Variants in THTPA observed in about 807,000 individuals in gnomAD.
THTPA encodes the protein thiamine-triphosphatase.
Under a neutral mutation model 16.5 loss-of-function variants are expected in THTPA, and 16 were observed. The ratio of observed to expected loss-of-function variants is 0.97; its 90% CI spans 0.66 to 1.47. The LOEUF is 1.47. THTPA is among the 40% of genes most tolerant of loss of function. The pLI is 0.00. For synonymous variants in THTPA, 110 were observed against 115.5 expected (o/e 0.95, Z 0.30); for missense variants, 281 against 280.9 (o/e 1.00, Z 0.00).
chr14:23,546,838 C>T, the THTPA span, among the ~76,000 whole-genome samples: 1 of 152,232 alleles, frequency 6.6e-6, no homozygotes, highest in South Asian at 2.1e-4. This position sits in a 1 kb window ranked among gnomAD's most constrained non-coding sequence, Gnocchi z 4.7. Context: ...CGGTGGCTGA[C>T]AGTGCAACAG....
chr14:23,523,939 G>A, the THTPA span: 13 of 1,536,004 alleles, frequency 8.5e-6, no homozygotes, highest in South Asian at 1.2e-5. This position sits in a 1 kb window ranked among gnomAD's most constrained non-coding sequence, Gnocchi z 4.1. Context: ...TGGGTGGAGG[G>A]GGAGGTAGGA....
chr14:23,526,764 T>C, the THTPA span: 1 of 1,530,478 alleles, frequency 6.5e-7, no homozygotes, highest in African/African-American at 1.4e-5. Flanking sequence ...CAGTTGACCT[T>C]GGCCTCAGTC....
the THTPA span, chr14:23,523,576 C>G: frequency 6.5e-7 from 1 of 1,544,254 alleles, no homozygotes; most frequent in Non-Finnish European, 8.7e-7. The surrounding 1 kb of genome is among the most constrained non-coding windows in gnomAD (Gnocchi z 4.1). Flanking sequence ...GTAGTTTGGC[C>G]TTCTTTTCCT....
the THTPA span, chr14:23,525,832 G>A: frequency 2.6e-5 from 38 of 1,457,926 alleles, no homozygotes; most frequent in Admixed American, 1.3e-4. This position sits in a 1 kb window ranked among gnomAD's most constrained non-coding sequence, Gnocchi z 5.9. Flanking sequence ...CCTTGAGATC[G>A]TGGAGGTAGA....
the THTPA span, chr14:23,530,496 A>T: frequency 5.1e-6 from 3 of 585,898 alleles, no homozygotes; most frequent in Non-Finnish European, 9.5e-6. Flanking sequence ...TCCCTGTCTT[A>T]AATGACCCAG....
chr14:23,556,898 C>G lies in THTPA; in HGVS notation c.141C>G (p.Leu47=). Residue 47 remains leucine (L), a synonymous_variant, in exon 1 of 2, where the codon CTC becomes CTG. Coordinates refer to ENST00000288014, the MANE Select transcript of THTPA (RefSeq NM_024328.6). ...DTYYDTPELS[L]MQADHWLRRR... is the part of the protein sequence containing the mutation. ...ACTATGACACCCCTGAGCTGAGCCT[C>G]ATGCAGGCTGACCACTGGCTGCGAC... is the stretch of plus-strand genomic sequence containing the variant. The G allele has an allele frequency of 6.2e-7, 1 of 1,613,898 alleles. No homozygotes were observed. The highest frequency in any genetic ancestry group is 8.5e-7 in the Non-Finnish European group (1 of 1,179,878).
At chr14:23,554,040 A>G (rs1439096648), upstream of THTPA, among the ~76,000 whole-genome samples, 2 of 69,426 alleles carry the variant, frequency 2.9e-5, no homozygotes, top group Non-Finnish European at 5.0e-5. Flanking sequence ...CTCTGTCTCA[A>G]AAAAAAAAAA....
chr14:23,526,473 G>A, the THTPA span: 1 of 1,536,182 alleles, frequency 6.5e-7, no homozygotes, highest in South Asian at 1.2e-5. Flanking sequence ...GCAGAGCGGA[G>A]CTCCCCAGTG....
the THTPA span, among the ~76,000 whole-genome samples, chr14:23,540,365 T>C: frequency 6.6e-6 from 1 of 152,192 alleles, no homozygotes; most frequent in African/African-American, 2.4e-5. Flanking sequence ...TTTTAGGACC[T>C]TTTTTTAAAA....
chr14:23,534,488 C>G, the THTPA span: 2 of 1,536,260 alleles, frequency 1.3e-6, no homozygotes, highest in Non-Finnish European at 1.7e-6. The surrounding 1 kb of genome is among the most constrained non-coding windows in gnomAD (Gnocchi z 4.5). Flanking sequence ...TCATCTCCCT[C>G]CTGGAGTACA....
At chr14:23,539,787 C>T in the THTPA span, among the ~76,000 whole-genome samples, 1 of 152,148 alleles carries the variant, frequency 6.6e-6, no homozygotes, top group African/African-American at 2.4e-5. Context: ...CTACTGCTCC[C>T]TAGTGGTTAC....
the THTPA span, chr14:23,543,515 A>C: frequency 6.6e-6 from 1 of 152,316 alleles, no homozygotes; most frequent in East Asian, 1.9e-4. Flanking sequence ...AAGGTGCTAG[A>C]TGGCTGTCTT....
chr14:23,550,262 G>A, the THTPA span, among the ~76,000 whole-genome samples: 1 of 152,158 alleles, frequency 6.6e-6, no homozygotes, highest in African/African-American at 2.4e-5. Context: ...AGGCACTAGA[G>A]GCTTTGGCGA....
At chr14:23,526,386 C>T in the THTPA span, 13 of 1,536,132 alleles carry the variant, frequency 8.5e-6, no homozygotes, top group African/African-American at 9.6e-5. Context: ...CGGGCAGGGT[C>T]GAGAAACTTG....
chr14:23,558,792 CAG>C lies in THTPA; in HGVS notation c.652_653del (p.Arg218AlafsTer5), dbSNP rs1882892968. On this transcript the variant is annotated frameshift_variant, in exon 2 of 2. Coordinates refer to ENST00000288014, the MANE Select transcript of THTPA (RefSeq NM_024328.6). LOFTEE classifies it low-confidence loss of function (END_TRUNC). ...YQRLLEVNSS[R>X]ERPQETEDPD... ...AGCGCCTGCTAGAAGTGAACAGCTC[CAG>C]AGAGAGGCCACAGGAGACTGAAGAT... is the stretch of plus-strand genomic sequence containing the variant. 1.2e-6 allele frequency: 2 copies of C among 1,614,210 alleles called. No individual in the cohort carries two copies. Among genetic ancestry groups the C allele is most frequent in the Non-Finnish European group, 1.7e-6 (2 of 1,180,032 alleles).
chr14:23,526,046 T>C, the THTPA span: 2 of 1,536,506 alleles, frequency 1.3e-6, no homozygotes, highest in African/African-American at 1.4e-5. Flanking sequence ...CCCCTCTGTC[T>C]CGCCTTCCTT....
chr14:23,526,690 G>C, the THTPA span: 1 of 1,535,896 alleles, frequency 6.5e-7, no homozygotes, highest in Non-Finnish European at 8.7e-7. Flanking sequence ...CTAGGGGAGA[G>C]AGAAGAAAGT....
chr14:23,524,403 C>G, the THTPA span: 1 of 1,536,238 alleles, frequency 6.5e-7, no homozygotes, highest in South Asian at 1.2e-5. This position sits in a 1 kb window ranked among gnomAD's most constrained non-coding sequence, Gnocchi z 5.6. Context: ...CCTCCTCCCC[C>G]TGCTTCACTG....
chr14:23,556,404 G>C lies in THTPA; in HGVS notation c.-354G>C. The C allele has an allele frequency of 4.1e-6, 1 of 241,804 alleles. No homozygotes were observed. The highest frequency in any genetic ancestry group is 5.1e-5 in the Admixed American group (1 of 19,762). The allele number at this position is 241,804 out of a possible 1,614,324, so 15.0% of individuals were successfully genotyped here. A position where few individuals can be genotyped will look rare whatever the true frequency, so the allele number is the denominator to read the frequency against. ...AGGAAAGGGCAGGTCCTCCCGGGTC[G>C]TGAGCCAGTAGCCTCCTGGGGTGGC... On this transcript the variant is annotated 5_prime_UTR_variant, in exon 1 of 2. Coordinates refer to ENST00000288014, the MANE Select transcript of THTPA (RefSeq NM_024328.6).
Sources: allele counts gnomAD v4.1 joint callset (sites outside exome capture counted in the v4.1 genomes callset), GRCh38; gene constraint gnomAD v4.1.1; non-coding constraint Gnocchi (gnomAD v3.1); transcripts MANE v1.5; gene names NCBI Gene and HGNC (gene_info 2026-07-23, HGNC 2026-07-21).